FANCM: variants seen among roughly 807,000 people sequenced by gnomAD.
The protein encoded by FANCM is FA complementation group M, also known as Fanconi anemia group M protein.
A neutral mutation model predicts 199.5 loss-of-function variants in FANCM; 140 were observed. That is an observed-to-expected ratio of 0.70 (90% CI 0.61 to 0.81). The LOEUF (loss-of-function observed/expected upper bound fraction) is 0.81, where lower values mean the gene tolerates loss of function less well. FANCM is among the 30% of genes least tolerant of loss of function. The pLI is 0.00. For synonymous variants in FANCM, 840 were observed against 836.8 expected, an observed-to-expected ratio of 1.00 and a Z score of -0.07; for missense variants, 2,410 against 2,421.4, an observed-to-expected ratio of 1.00 and a Z score of 0.10.
At chr14:45,170,551 T>C (rs763814244) in intron 11 of FANCM, 38 bp from the exon 12 acceptor site, 7 of 1,512,250 alleles carry the variant, frequency 4.6e-6, no homozygotes, top group Non-Finnish European at 6.4e-6. Context: ...TTGCAGATTT[T>C]TAAAAAGTCT....
Position 45,175,903 on chromosome 14 carries a change from A to T in FANCM, c.3149A>T (p.Glu1050Val), listed in dbSNP as rs1354136964. 2 of 1,613,312 alleles carry T rather than the reference A, an allele frequency of 1.2e-6. No homozygotes were observed. The highest frequency in any genetic ancestry group is 1.7e-6 in the Non-Finnish European group (2 of 1,179,382). The change falls in exon 14 of 23, where the codon GAA becomes GTA. Residue 1050 changes from glutamate to valine, a missense_variant. Transcript: ENST00000267430. ...GCTGTGAATTCTCAACAGAATTTAG[A>T]ATTGAATTCACTTAAATGTATAAAT... Reference protein sequence around the residue: ...HSAVNSQQNLELNSLKCINYP... With the variant: ...HSAVNSQQNLVLNSLKCINYP...
At chr14:45,143,012 T>G (rs960755965) in intron 3 of FANCM, among the ~76,000 whole-genome samples, 4 of 152,066 alleles carry the variant, frequency 2.6e-5, no homozygotes, top group African/African-American at 9.7e-5. Context: ...CTAATCATTC[T>G]TTCTCTCTTT....
intron 2 of FANCM, among the ~76,000 whole-genome samples, chr14:45,140,030 C>T (rs1237799769): frequency 6.6e-6 from 1 of 152,024 alleles, no homozygotes; most frequent in Non-Finnish European, 1.5e-5. Flanking sequence ...TAAAATGTAA[C>T]TTAAAAAAAA....
intron 20 of FANCM, among the ~76,000 whole-genome samples, chr14:45,195,002 G>A (rs533278195): frequency 6.6e-6 from 1 of 152,180 alleles, no homozygotes; most frequent in African/African-American, 2.4e-5. Flanking sequence ...ACTCGCCTCA[G>A]CCACCCAAAG....
chr14:45,155,177 G>T (rs1161373320), intron 7 of FANCM, among the ~76,000 whole-genome samples, 196 bp from the exon 8 acceptor site: 1 of 151,964 alleles, frequency 6.6e-6, no homozygotes, highest in Non-Finnish European at 1.5e-5. Context: ...CTCTCAGAAT[G>T]AAATTTTTAT....
chr14:45,194,665 A>C lies in FANCM; in HGVS notation c.5341-1507A>C, dbSNP rs192749881. Among the ~76,000 whole-genome samples, 455 of 152,180 alleles carry C rather than the reference A, an allele frequency of 3.0e-3. 1 individual carries two copies. Among genetic ancestry groups the C allele is most frequent in the Non-Finnish European group, 5.1e-3 (344 of 67,998 alleles). On this transcript the variant is annotated intron_variant, in intron 20 of 22. Coordinates refer to ENST00000267430, the MANE Select transcript of FANCM (RefSeq NM_020937.4). Reference sequence around the variant, plus strand: ...ATTGATGCGTATGTAGGTTGTTTCTAATCTTTCATTCTTATAATAAATAGC... The same window carrying C: ...ATTGATGCGTATGTAGGTTGTTTCTCATCTTTCATTCTTATAATAAATAGC...
chr14:45,177,202 T>C (rs1367353676), intron 14 of FANCM, among the ~76,000 whole-genome samples: 1 of 150,278 alleles, frequency 6.7e-6, no homozygotes, highest in African/African-American at 2.5e-5. Flanking sequence ...TGCTAGACAT[T>C]ATGAAATACA....
chr14:45,166,928 C>T, intron 10 of FANCM, 22 bp from the exon 11 acceptor site: 1 of 1,225,636 alleles, frequency 8.2e-7, no homozygotes. Context: ...TATAATCTGA[C>T]ATTTTCTATT....
chr14:45,189,962 C>T (rs1889664883), intron 20 of FANCM, among the ~76,000 whole-genome samples: 1 of 144,448 alleles, frequency 6.9e-6, no homozygotes. Context: ...AGCAAGACTC[C>T]ATCTCAAAAA....
In FANCM at chr14:45,136,392, G is replaced by A. The variant is rs759383413; in HGVS notation, c.361G>A (p.Ala121Thr). The change falls in exon 1 of 23, where the codon GCC becomes ACC. Residue 121 changes from alanine to threonine, a missense_variant. Ala to Thr is a moderately conservative substitution (Grantham distance 58). Coordinates refer to ENST00000267430, the MANE Select transcript of FANCM (RefSeq NM_020937.4). Reference protein sequence around the residue: ...LPTGLGKTFIAAVVMYNFYRW... With the variant: ...LPTGLGKTFITAVVMYNFYRW... ...TACCGGACTGGGAAAGACCTTTATT[G>A]CCGCCGTGGTCATGTACAATTTCTA... The A allele has an allele frequency of 6.2e-7, 1 of 1,614,112 alleles. No individual in the cohort carries two copies. The highest frequency in any genetic ancestry group is 1.1e-5 in the South Asian group (1 of 91,078).
At chr14:45,171,237 G>A (rs1888321368) in intron 12 of FANCM, among the ~76,000 whole-genome samples, 1 of 151,504 alleles carries the variant, frequency 6.6e-6, no homozygotes, top group Non-Finnish European at 1.5e-5. Context: ...CTCCCAAGTA[G>A]CTGGGACTAT....
In FANCM at chr14:45,173,180, G is replaced by A. The variant is rs768567945; in HGVS notation, c.2286G>A (p.Met762Ile). The A allele has an allele frequency of 3.7e-6, 6 of 1,613,912 alleles. No individual in the cohort carries two copies. The East Asian group carries it at 1.1e-4, about 30-fold the overall frequency. The change falls in exon 13 of 23, where the codon ATG (methionine) becomes ATA (isoleucine). Residue 762 changes from methionine to isoleucine, a missense_variant. Coordinates refer to ENST00000267430, the MANE Select transcript of FANCM (RefSeq NM_020937.4). Reference sequence around the variant, plus strand: ...GATGCCGCCATTTTATAGGCCTTATGCAAATGATAGAGGGAATGAGACACG... The same window carrying A: ...GATGCCGCCATTTTATAGGCCTTATACAAATGATAGAGGGAATGAGACACG... Reference protein sequence around the residue: ...SDRCRHFIGLMQMIEGMRHEE... With the variant: ...SDRCRHFIGLIQMIEGMRHEE...
chr14:45,200,107 T>G lies in FANCM; in HGVS notation c.*99T>G. ...ATGTTTATTTGTAAATAAGAGAATA[T>G]TTTATTTAAATATTTTATATTGTAT... On this transcript the variant is annotated 3_prime_UTR_variant, in exon 23 of 23. Transcript: ENST00000267430. The G allele has an allele frequency of 3.4e-6, 2 of 588,692 alleles. No homozygotes were observed. Among genetic ancestry groups the G allele is most frequent in the Non-Finnish European group, 5.3e-6 (2 of 379,830 alleles). The allele number at this position is 588,692 out of a possible 1,614,324, so 36.5% of individuals were successfully genotyped here.
chr14:45,156,916 CAAA>C (rs535786477), intron 8 of FANCM, among the ~76,000 whole-genome samples: 6 of 47,790 alleles, frequency 1.3e-4, no homozygotes, highest in East Asian at 6.1e-4. Flanking sequence ...GACTCTGTCT[CAAA>C]AAAAAAAAAA....
At chr14:45,190,633 G>C (rs1308297987) in intron 20 of FANCM, among the ~76,000 whole-genome samples, 1 of 151,684 alleles carries the variant, frequency 6.6e-6, no homozygotes, top group Non-Finnish European at 1.5e-5. Flanking sequence ...TATCCCCAAG[G>C]TGTTTCATCA....
chr14:45,171,073 T>C (rs1888310149), intron 12 of FANCM, among the ~76,000 whole-genome samples: 1 of 152,186 alleles, frequency 6.6e-6, no homozygotes, highest in Non-Finnish European at 1.5e-5. Context: ...GGTTGTCACT[T>C]TACTCTGTGA....
rs1888567402 is a variant in FANCM, at chr14:45,174,959, G to T, written c.2317-112G>T. ...TTTTAAGGTATAAAAGAATATCACTGGAACAATGTAATAATATAAATATTT... is the reference window on the plus strand; with the variant it reads ...TTTTAAGGTATAAAAGAATATCACTTGAACAATGTAATAATATAAATATTT... On this transcript the variant is annotated intron_variant, in intron 13 of 22. Transcript: ENST00000267430. The T allele has an allele frequency of 8.3e-5, 54 of 647,498 alleles. No homozygotes were observed. In the South Asian group the frequency reaches 1.0e-3, roughly 13 times the overall value. 40.1% of individuals were successfully genotyped at this position (647,498 alleles called of 1,614,324 possible).
intron 16 of FANCM, among the ~76,000 whole-genome samples, chr14:45,183,551 G>A (rs890895876): frequency 2.0e-5 from 3 of 151,968 alleles, no homozygotes; most frequent in Admixed American, 2.0e-4. Flanking sequence ...AAACATATTC[G>A]ATGTAATACT....
At chr14:45,161,868 T>C (rs957921618) in intron 9 of FANCM, among the ~76,000 whole-genome samples, 3 of 152,130 alleles carry the variant, frequency 2.0e-5, no homozygotes, top group Non-Finnish European at 4.4e-5. Context: ...GGGAGACTTA[T>C]AACAATTTAA....
Sources: allele counts gnomAD v4.1 joint callset (sites outside exome capture counted in the v4.1 genomes callset), GRCh38; gene constraint gnomAD v4.1.1; transcripts MANE v1.5; gene names NCBI Gene and HGNC (gene_info 2026-07-23, HGNC 2026-07-21).